RNF217: variants seen among roughly 807,000 people sequenced by gnomAD.
The protein encoded by RNF217 is ring finger protein 217, also known as E3 ubiquitin-protein ligase RNF217.
In RNF217, 31 loss-of-function variants were observed where a neutral mutation model predicts 57.8. The ratio of observed to expected loss-of-function variants is 0.54; its 90% CI spans 0.40 to 0.72. RNF217 has a LOEUF of 0.72. Among genes scored for constraint, RNF217 ranks in the 30% least tolerant of loss-of-function variants. The pLI, the probability that RNF217 is intolerant of heterozygous loss-of-function variation, is 0.00. For synonymous variants in RNF217, 313 were observed against 294.0 expected (o/e 1.06, Z -0.66); for missense variants, 696 against 708.3 (o/e 0.98, Z 0.20).
At chr6:125,059,304 C>A (rs1304657469) in intron 3 of RNF217, among the ~76,000 whole-genome samples, 3 of 152,014 alleles carry the variant, frequency 2.0e-5, no homozygotes, top group African/African-American at 7.2e-5. Flanking sequence ...CCACAGTCAC[C>A]CATTTTGTTT....
At chr6:125,070,517 G>C (rs1033822550) in intron 3 of RNF217, among the ~76,000 whole-genome samples, 9 of 152,146 alleles carry the variant, frequency 5.9e-5, no homozygotes, top group African/African-American at 2.2e-4. Context: ...ATTGTTTTTT[G>C]ACTTTTTAAT....
chr6:125,081,566 G>A (rs1449503003), intron 5 of RNF217, 59 bp downstream of exon 5: 22 of 1,261,802 alleles, frequency 1.7e-5, no homozygotes, highest in African/African-American at 7.5e-5. Context: ...GAGAGAATAC[G>A]AGTGTAAATG....
chr6:124,974,289 C>T (rs1199765822), intron 1 of RNF217, among the ~76,000 whole-genome samples: 1 of 152,108 alleles, frequency 6.6e-6, no homozygotes, highest in Non-Finnish European at 1.5e-5. Flanking sequence ...AATTAGCTTT[C>T]GAGCCTGAAT....
intron 1 of RNF217, among the ~76,000 whole-genome samples, chr6:125,039,026 C>A (rs1786767979): frequency 6.6e-6 from 1 of 151,970 alleles, no homozygotes; most frequent in Admixed American, 6.6e-5. Flanking sequence ...TGTGTTGTTC[C>A]CGCCTGCCCC....
chr6:124,979,823 G>A (rs1420262378), intron 1 of RNF217, among the ~76,000 whole-genome samples: 1 of 152,226 alleles, frequency 6.6e-6, no homozygotes, highest in African/African-American at 2.4e-5. Flanking sequence ...GTTGGCAAGA[G>A]TAGAAGCAGG....
At chr6:125,021,191 C>T (rs1423434185) in intron 1 of RNF217, among the ~76,000 whole-genome samples, 3 of 152,048 alleles carry the variant, frequency 2.0e-5, no homozygotes, top group Admixed American at 2.0e-4. Flanking sequence ...TGGAGTTTAA[C>T]TGTGGTTCCT....
At chr6:125,022,449 A>T (rs1785880486) in intron 1 of RNF217, among the ~76,000 whole-genome samples, 1 of 152,188 alleles carries the variant, frequency 6.6e-6, no homozygotes, top group Admixed American at 6.5e-5. Flanking sequence ...ACTAGGAAGG[A>T]TGAGCAGGCT....
intron 1 of RNF217, among the ~76,000 whole-genome samples, chr6:125,040,093 G>A (rs957635065): frequency 1.3e-5 from 2 of 152,046 alleles, no homozygotes; most frequent in Middle Eastern, 3.2e-3. Context: ...ACTAAGATCA[G>A]AGCAGAATTG....
intron 1 of RNF217, among the ~76,000 whole-genome samples, chr6:125,036,724 A>G (rs1377241583): frequency 6.6e-6 from 1 of 152,132 alleles, no homozygotes; most frequent in Admixed American, 6.6e-5. Context: ...GACACTTCTC[A>G]AAAGAAAACA....
intron 1 of RNF217, among the ~76,000 whole-genome samples, chr6:124,968,234 A>G (rs542442004): frequency 1.3e-5 from 2 of 152,326 alleles, no homozygotes; most frequent in South Asian, 4.1e-4. Context: ...GAAAATGTGA[A>G]GAATAATATG....
chr6:124,991,182 C>G (rs1784547526), intron 1 of RNF217, among the ~76,000 whole-genome samples: 1 of 152,188 alleles, frequency 6.6e-6, no homozygotes, highest in Admixed American at 6.5e-5. Flanking sequence ...GTTCCCCCAC[C>G]CTGTTTCCTT....
At chr6:125,057,570 G>A (rs1787570205) in intron 2 of RNF217, among the ~76,000 whole-genome samples, 1 of 152,174 alleles carries the variant, frequency 6.6e-6, no homozygotes, top group African/African-American at 2.4e-5. Context: ...CAATGGAAAT[G>A]GCTGGGTAAT....
At chr6:125,062,730 C>T (rs1448588654) in intron 3 of RNF217, among the ~76,000 whole-genome samples, 2 of 152,120 alleles carry the variant, frequency 1.3e-5, no homozygotes, top group African/African-American at 2.4e-5. Flanking sequence ...GTGCCCACCA[C>T]CATGCCCGGC....
chr6:124,981,689 T>C (rs13197804), intron 1 of RNF217, among the ~76,000 whole-genome samples: 35,019 of 151,844 alleles, frequency 0.23, 4,336 homozygotes, highest in African/African-American at 0.31. Context: ...TATCATATAT[T>C]GCCAGGGTGA....
chr6:124,978,565 C>A (rs1784049373), intron 1 of RNF217, among the ~76,000 whole-genome samples: 1 of 152,050 alleles, frequency 6.6e-6, no homozygotes, highest in African/African-American at 2.4e-5. Flanking sequence ...GCTCTTCAAT[C>A]CCATAGCTCA....
intron 1 of RNF217, among the ~76,000 whole-genome samples, chr6:125,034,925 T>G (rs1214193538): frequency 6.6e-6 from 1 of 152,164 alleles, no homozygotes; most frequent in East Asian, 1.9e-4. Context: ...CCCTTGTAAG[T>G]TGGATTCCTA....
intron 3 of RNF217, among the ~76,000 whole-genome samples, chr6:125,061,950 T>A (rs1396482179): frequency 1.3e-5 from 2 of 152,024 alleles, no homozygotes; most frequent in African/African-American, 4.8e-5. Context: ...TTTTTCCAAA[T>A]TGAAACCATC....
At chr6:125,065,831 G>A (rs529337) in intron 3 of RNF217, among the ~76,000 whole-genome samples, 3,490 of 152,234 alleles carry the variant, frequency 0.023, 125 homozygotes, top group African/African-American at 0.078. Flanking sequence ...TGGCTCAGTC[G>A]GTAGGCAAAT....
At chr6:124,982,302 A>G (rs2115017814) in intron 1 of RNF217, among the ~76,000 whole-genome samples, 1 of 152,270 alleles carries the variant, frequency 6.6e-6, no homozygotes, top group South Asian at 2.1e-4. Flanking sequence ...GTTTGCAAGA[A>G]GTTTCTCTGT....
Sources: allele counts gnomAD v4.1 joint callset (sites outside exome capture counted in the v4.1 genomes callset), GRCh38; gene constraint gnomAD v4.1.1; transcripts MANE v1.5; gene names NCBI Gene and HGNC (gene_info 2026-07-23, HGNC 2026-07-21).